Variants in SCFD2 observed in about 807,000 individuals in gnomAD.
SCFD2 encodes the protein sec1 family domain containing 2.
SCFD2 carries 54 observed loss-of-function variants against 58.9 expected under a neutral mutation model. That is an observed-to-expected ratio of 0.92 (90% CI 0.74 to 1.15). SCFD2 has a LOEUF of 1.15. SCFD2 is among the 50% of genes most tolerant of loss of function. The pLI is 0.00. For missense variants in SCFD2, 805 were observed against 836.6 expected, an observed-to-expected ratio of 0.96 and a Z score of 0.47; for synonymous variants, 321 against 335.9, an observed-to-expected ratio of 0.96 and a Z score of 0.49.
chr4:52,877,250 G>C (rs1170086620), intron 8 of SCFD2, among the ~76,000 whole-genome samples: 1 of 152,208 alleles, frequency 6.6e-6, no homozygotes, highest in Non-Finnish European at 1.5e-5. Context: ...GTGTTTAACA[G>C]TAATCAGCCT....
chr4:52,884,212 A>C (rs973840699), intron 8 of SCFD2, among the ~76,000 whole-genome samples: 2 of 152,214 alleles, frequency 1.3e-5, no homozygotes, highest in African/African-American at 4.8e-5. Flanking sequence ...TGCATTGCCC[A>C]GTATAGATGG....
chr4:53,077,282 A>T (rs904624157), intron 5 of SCFD2, among the ~76,000 whole-genome samples: 4 of 152,142 alleles, frequency 2.6e-5, no homozygotes, highest in African/African-American at 9.7e-5. Context: ...CAGTATTAAG[A>T]TCTAATTTTT....
chr4:53,033,513 A>G (rs2148819966), intron 5 of SCFD2, among the ~76,000 whole-genome samples: 1 of 152,292 alleles, frequency 6.6e-6, no homozygotes. Flanking sequence ...TCCTTCAAAA[A>G]ATCAATGAAT....
chr4:52,928,305 G>C (rs192195730), intron 5 of SCFD2, among the ~76,000 whole-genome samples: 103 of 152,248 alleles, frequency 6.8e-4, no homozygotes, highest in Non-Finnish European at 5.0e-4. Context: ...CTGTCCTCTA[G>C]CCTGGGTGAC....
chr4:53,322,483 C>T (rs1733055709), intron 2 of SCFD2, among the ~76,000 whole-genome samples: 12 of 152,164 alleles, frequency 7.9e-5, no homozygotes, highest in Admixed American at 6.5e-4. Context: ...TTAACCATCA[C>T]ATAAAATAGA....
intron 4 of SCFD2, among the ~76,000 whole-genome samples, chr4:53,161,941 G>T (rs1011166634): frequency 5.3e-5 from 8 of 152,102 alleles, no homozygotes; most frequent in Non-Finnish European, 8.8e-5. Context: ...AGGCCTGTTT[G>T]TCTATCATCA....
chr4:53,238,008 TC>T (rs1729717935), intron 4 of SCFD2, among the ~76,000 whole-genome samples: 1 of 83,684 alleles, frequency 1.2e-5, no homozygotes, highest in African/African-American at 4.7e-5. Flanking sequence ...AGGGGGCTGA[TC>T]CCCCCACCTC....
At position 53,142,656 on chromosome 4, in the gene SCFD2, C is replaced by G. The variant is rs138883738; in HGVS notation, c.1561+2677G>C. Reference sequence around the variant, plus strand: ...CTACAAGACCGAGTCAGAATCACCACTGCCCCAATACTATGTTTTTTATCC... The same window carrying G: ...CTACAAGACCGAGTCAGAATCACCAGTGCCCCAATACTATGTTTTTTATCC... On this transcript the variant is annotated intron_variant, in intron 5 of 8. Transcript: ENST00000401642. Among the ~76,000 whole-genome samples the G allele has an allele frequency of 3.6e-3, 543 of 152,336 alleles. 5 individuals are homozygous for G. The highest frequency in any genetic ancestry group is 0.012 in the African/African-American group (513 of 41,566).
At chr4:53,165,257 G>C (rs770249506) in intron 4 of SCFD2, among the ~76,000 whole-genome samples, 4 of 152,150 alleles carry the variant, frequency 2.6e-5, no homozygotes, top group Non-Finnish European at 4.4e-5. Context: ...AGTTTGAGTG[G>C]GTTTGTGTAC....
intron 4 of SCFD2, among the ~76,000 whole-genome samples, chr4:53,268,119 G>A (rs547360099): frequency 3.4e-4 from 51 of 152,202 alleles, no homozygotes; most frequent in Non-Finnish European, 5.1e-4. Context: ...CAGAGCCCAC[G>A]AGTATGAAGA....
Position 53,007,339 on chromosome 4 carries a change from A to AGAGG in SCFD2, c.1562-86470_1562-86469insCCTC, listed in dbSNP as rs1553914010. 6.1e-4 allele frequency among the ~76,000 whole-genome samples: 78 copies of AGAGG among 128,102 alleles called. 1 individual carries two copies. The highest frequency in any genetic ancestry group is 2.0e-3 in the African/African-American group (65 of 33,148). 84.0% of individuals were successfully genotyped at this position (128,102 alleles called of 152,430 possible). On this transcript the variant is annotated intron_variant, in intron 5 of 8. Transcript: ENST00000401642. ...GAGAGAGAGAGAGAGAGAGAGGGAG[A>AGAGG]GAGAGAGAGAGAGAAAAGAAAGAGA... is the stretch of plus-strand genomic sequence containing the variant.
chr4:52,948,253 T>A, intron 5 of SCFD2: 1 of 267,284 alleles, frequency 3.7e-6, no homozygotes, highest in South Asian at 4.1e-5. Flanking sequence ...CCCTCTTTTG[T>A]CCCCCTGGCA....
intron 5 of SCFD2, among the ~76,000 whole-genome samples, chr4:52,959,925 CTTG>C (rs1720806337): frequency 2.0e-5 from 3 of 151,572 alleles, no homozygotes; most frequent in South Asian, 2.1e-4. Flanking sequence ...CACACACACA[CTTG>C]AATCACCTAT....
chr4:53,298,725 T>A lies in SCFD2; in HGVS notation c.1135+14911A>T, dbSNP rs1261585819. ...GCGGTGAACTGACACCTCACACAGC[T>A]GGGTACTCCTCTGAGACAAAACTTC... On this transcript the variant is annotated intron_variant, in intron 3 of 8. Coordinates refer to ENST00000401642, the MANE Select transcript of SCFD2 (RefSeq NM_152540.4). Among the ~76,000 whole-genome samples the A allele has an allele frequency of 2.0e-5, 3 of 152,094 alleles. No individual in the cohort carries two copies. In the South Asian group the frequency reaches 6.2e-4, roughly 32 times the overall value.
At chr4:53,169,241 G>C (rs914240114) in intron 4 of SCFD2, among the ~76,000 whole-genome samples, 1 of 152,138 alleles carries the variant, frequency 6.6e-6, no homozygotes, top group Admixed American at 6.5e-5. Flanking sequence ...CTGGGCGCCT[G>C]TAATCCCAGC....
chr4:53,001,678 A>G (rs569466167), intron 5 of SCFD2, among the ~76,000 whole-genome samples: 1 of 152,364 alleles, frequency 6.6e-6, no homozygotes, highest in African/African-American at 2.4e-5. Flanking sequence ...TTAAAACTTG[A>G]ACACTCAAAA....
intron 5 of SCFD2, among the ~76,000 whole-genome samples, chr4:52,954,657 G>T (rs187883054): frequency 6.6e-6 from 1 of 152,260 alleles, no homozygotes; most frequent in East Asian, 1.9e-4. Flanking sequence ...ATCATAAAGG[G>T]TGAGTCCAGA....
At chr4:52,954,648 T>C (rs1300264069) in intron 5 of SCFD2, among the ~76,000 whole-genome samples, 1 of 151,894 alleles carries the variant, frequency 6.6e-6, no homozygotes, top group African/African-American at 2.4e-5. Context: ...CTAGGAAAAA[T>C]CATAAAGGGT....
chr4:53,363,518 G>GT (rs1482202709), intron 1 of SCFD2, among the ~76,000 whole-genome samples: 1 of 151,550 alleles, frequency 6.6e-6, no homozygotes, highest in African/African-American at 2.4e-5. Flanking sequence ...GAGGGCAGAA[G>GT]TTATGCTCAC....
Sources: allele counts gnomAD v4.1 joint callset (sites outside exome capture counted in the v4.1 genomes callset), GRCh38; gene constraint gnomAD v4.1.1; transcripts MANE v1.5; gene names NCBI Gene and HGNC (gene_info 2026-07-23, HGNC 2026-07-21).